The following GPR160 variants were observed in gnomAD, a reference collection of about 807,000 sequenced individuals.
GPR160 encodes probable G protein-coupled receptor 160.
GPR160 carries 2 observed loss-of-function variants against 2.6 expected under a neutral mutation model. The ratio of observed to expected loss-of-function variants is 0.77; its 90% CI spans 0.32 to 2.44. The LOEUF (loss-of-function observed/expected upper bound fraction) is 2.44, where lower values mean the gene tolerates loss of function less well. GPR160 is among the 30% of genes most tolerant of loss of function. The pLI, the probability that GPR160 is intolerant of heterozygous loss-of-function variation, is 0.11. For missense variants in GPR160, 351 were observed against 383.6 expected (o/e 0.91, Z 0.71); for synonymous variants, 130 against 132.2 (o/e 0.98, Z 0.12).
At chr3:170,060,645 T>C (rs989783563) in intron 2 of GPR160, among the ~76,000 whole-genome samples, 1 of 152,034 alleles carries the variant, frequency 6.6e-6, no homozygotes. Context: ...GGTGCACACC[T>C]CTATAGTCCT....
chr3:170,064,489 G>A (rs953117490), intron 2 of GPR160, among the ~76,000 whole-genome samples: 1 of 149,304 alleles, frequency 6.7e-6, no homozygotes, highest in Non-Finnish European at 1.5e-5. Flanking sequence ...CTCCCTACAC[G>A]GGACCCATTC....
chr3:170,044,282 C>A (rs939844754), intron 2 of GPR160, among the ~76,000 whole-genome samples: 1 of 136,998 alleles, frequency 7.3e-6, no homozygotes, highest in African/African-American at 2.8e-5. Flanking sequence ...CGAGATCACG[C>A]CATTGCACTC....
In GPR160 at chr3:170,083,923, T is replaced by A. The variant is rs541750451; in HGVS notation, c.-50T>A. The A allele has an allele frequency of 4.1e-3, 4,130 of 996,826 alleles. 40 individuals carry two copies. The highest frequency in any genetic ancestry group is 0.034 in the South Asian group (1,225 of 36,316). The allele number at this position is 996,826 out of a possible 1,614,324, so 61.7% of individuals were successfully genotyped here. A position where few individuals can be genotyped will look rare whatever the true frequency, so the allele number is the denominator to read the frequency against. ...TTTGCAGGGACAGAAAATGAAGCAGTGTTTTATCATGTGTATTTCAGCAGG... is the reference window on the plus strand; with the variant it reads ...TTTGCAGGGACAGAAAATGAAGCAGAGTTTTATCATGTGTATTTCAGCAGG... On this transcript the variant is annotated 5_prime_UTR_variant, in exon 4 of 4. Transcript: ENST00000355897.
chr3:170,044,132 C>T (rs1460157987), intron 2 of GPR160, among the ~76,000 whole-genome samples: 1 of 151,832 alleles, frequency 6.6e-6, no homozygotes, highest in Non-Finnish European at 1.5e-5. Flanking sequence ...CGAAACCAAC[C>T]TGACCAACAT....
intron 2 of GPR160, among the ~76,000 whole-genome samples, chr3:170,071,752 C>T (rs1464300989): frequency 5.3e-5 from 8 of 152,146 alleles, no homozygotes; most frequent in African/African-American, 1.7e-4. Flanking sequence ...GCTGAGATCA[C>T]GCCACTGCAC....
chr3:170,044,941 G>A (rs1465873903), intron 2 of GPR160, among the ~76,000 whole-genome samples: 5 of 152,260 alleles, frequency 3.3e-5, no homozygotes, highest in African/African-American at 2.4e-5. Context: ...GTCCAAGGGT[G>A]GCTTAATTTC....
chr3:170,067,083 C>A (rs1176448513), intron 2 of GPR160, among the ~76,000 whole-genome samples: 1 of 152,216 alleles, frequency 6.6e-6, no homozygotes, highest in Admixed American at 6.5e-5. Context: ...CAGCTCACTG[C>A]AGCCTCAACC....
At position 170,084,508 on chromosome 3, in the gene GPR160, G is replaced by C; in HGVS notation, c.536G>C (p.Ser179Thr). 1.2e-6 allele frequency: 2 copies of C among 1,613,250 alleles called. No individual in the cohort carries two copies. The highest frequency in any genetic ancestry group is 1.7e-6 in the Non-Finnish European group (2 of 1,179,284). ...TCTCGTCACTGTCCTTTCTATGTCA[G>C]CATTCAGAGTTACTGGCTGTCATTT... ...AYSRHCPFYV[S>T]IQSYWLSFFM... is the part of the protein sequence containing the mutation. The change falls in exon 4 of 4, where the codon AGC becomes ACC. Residue 179 changes from serine to threonine, a missense_variant. Transcript: ENST00000355897.
chr3:170,079,034 A>G (rs538768655), intron 2 of GPR160, among the ~76,000 whole-genome samples: 1 of 152,256 alleles, frequency 6.6e-6, no homozygotes, highest in South Asian at 2.1e-4. Flanking sequence ...CCAGAAACCG[A>G]CCTTTGATCA....
At chr3:170,043,363 G>A (rs1220641841) in intron 2 of GPR160, among the ~76,000 whole-genome samples, 5 of 151,840 alleles carry the variant, frequency 3.3e-5, no homozygotes, top group Non-Finnish European at 7.4e-5. Context: ...TGTATATTTA[G>A]TAGAGACAAG....
At chr3:170,061,884 C>T (rs1711978683) in intron 2 of GPR160, among the ~76,000 whole-genome samples, 1 of 152,086 alleles carries the variant, frequency 6.6e-6, no homozygotes, top group African/African-American at 2.4e-5. Flanking sequence ...CGCAGTGGCT[C>T]CTGCCTGGAA....
In GPR160 at chr3:170,038,014, C is replaced by G. The variant is rs948655172; in HGVS notation, c.-523C>G. 3.3e-5 allele frequency: 5 copies of G among 152,398 alleles called. No homozygotes were observed. The highest frequency in any genetic ancestry group is 7.3e-5 in the Non-Finnish European group (5 of 68,058). 9.4% of individuals were successfully genotyped at this position (152,398 alleles called of 1,614,324 possible). Reference sequence around the variant, plus strand: ...ACGCCCGCATTTCCTGGTCTGGAGCCGGCTGAGCCACAGCAGGGTCGCCGC... The same window carrying G: ...ACGCCCGCATTTCCTGGTCTGGAGCGGGCTGAGCCACAGCAGGGTCGCCGC... On this transcript the variant is annotated 5_prime_UTR_variant, in exon 1 of 4. Coordinates refer to ENST00000355897, the MANE Select transcript of GPR160 (RefSeq NM_014373.3). The surrounding 1 kb of genome is among the most constrained non-coding windows in gnomAD (Gnocchi z 5.3).
chr3:170,042,245 C>CA (rs1286674375), intron 2 of GPR160, among the ~76,000 whole-genome samples: 3 of 148,694 alleles, frequency 2.0e-5, no homozygotes, highest in African/African-American at 7.4e-5. Flanking sequence ...CTTGACTCCA[C>CA]AAAAAATAAA....
At chr3:170,077,918 A>G (rs1712946777) in intron 2 of GPR160, 1 of 165,632 alleles carries the variant, frequency 6.0e-6, no homozygotes. Context: ...ACCCTCGAAA[A>G]CGAAGGTGAA....
chr3:170,080,830 A>T (rs190317951), intron 3 of GPR160, among the ~76,000 whole-genome samples: 4 of 152,104 alleles, frequency 2.6e-5, no homozygotes, highest in African/African-American at 4.8e-5. Flanking sequence ...CCTCCCAAGT[A>T]GCTGGAACTA....
At chr3:170,046,554 C>T (rs1716728483) in intron 2 of GPR160, among the ~76,000 whole-genome samples, 1 of 152,090 alleles carries the variant, frequency 6.6e-6, no homozygotes, top group Non-Finnish European at 1.5e-5. Context: ...GAGGGGCTAA[C>T]AACATTTTAT....
chr3:170,054,673 T>G (rs1342138836), intron 2 of GPR160, among the ~76,000 whole-genome samples: 1 of 152,222 alleles, frequency 6.6e-6, no homozygotes, highest in African/African-American at 2.4e-5. Flanking sequence ...GTCTATGAAT[T>G]TGATTATTCT....
intron 2 of GPR160, among the ~76,000 whole-genome samples, chr3:170,045,252 C>A (rs1716657928): frequency 6.6e-6 from 1 of 151,544 alleles, no homozygotes; most frequent in Non-Finnish European, 1.5e-5. Flanking sequence ...CCAAGTGGAA[C>A]AGCTTGTTTT....
Position 170,038,365 on chromosome 3 carries a change from CAG to C in GPR160, c.-322+151_-322+152del, listed in dbSNP as rs1357296015. On this transcript the variant is annotated intron_variant, in intron 1 of 3. Coordinates refer to ENST00000355897, the MANE Select transcript of GPR160 (RefSeq NM_014373.3). The surrounding 1 kb of genome is among the most constrained non-coding windows in gnomAD (Gnocchi z 5.3). ...GGAAGGAATTTCCTTTGCAGGAACT[CAG>C]GGGCTGGGGGTTCTCTGCTACTTAA... The C allele has an allele frequency of 8.5e-5, 13 of 152,192 alleles. No homozygotes were observed. The highest frequency in any genetic ancestry group is 3.1e-4 in the African/African-American group (13 of 41,532). 9.4% of individuals were successfully genotyped at this position (152,192 alleles called of 1,614,324 possible).
Sources: allele counts gnomAD v4.1 joint callset (sites outside exome capture counted in the v4.1 genomes callset), GRCh38; gene constraint gnomAD v4.1.1; non-coding constraint Gnocchi (gnomAD v3.1); transcripts MANE v1.5; gene names NCBI Gene and HGNC (gene_info 2026-07-23, HGNC 2026-07-21).